Variants in PASD1 observed in about 807,000 individuals in gnomAD.
PASD1 encodes circadian clock protein PASD1.
In PASD1, 13 loss-of-function variants were observed where a neutral mutation model predicts 58.8. The ratio of observed to expected loss-of-function variants is 0.22; its 90% confidence interval spans 0.14 to 0.35. PASD1 has a LOEUF of 0.35. Ranked by LOEUF, PASD1 falls within the 10% of genes least tolerant of loss-of-function variation. The pLI, the probability that PASD1 is intolerant of heterozygous loss-of-function variation, is 1.00. For synonymous variants in PASD1, 236 were observed against 216.7 expected, an observed-to-expected ratio of 1.09 and a Z score of -0.78; for missense variants, 734 against 568.3, an observed-to-expected ratio of 1.29 and a Z score of -2.96.
chrX:151,674,034 A>C lies in PASD1; in HGVS notation c.2023A>C (p.Thr675Pro), dbSNP rs150680505. The C allele has an allele frequency of 1.8e-4, 212 of 1,209,504 alleles. 2 individuals are homozygous for C. The African/African-American group carries it at 3.0e-3, about 17-fold the overall frequency. ...TTCCAGCATTCCTCAGTTTCCCATAACTTCAGACTCAACCATAAGCACCCT... is the reference window on the plus strand; with the variant it reads ...TTCCAGCATTCCTCAGTTTCCCATACCTTCAGACTCAACCATAAGCACCCT... ...SSSSIPQFPITSDSTISTLET... is the reference protein window; with the variant it reads ...SSSSIPQFPIPSDSTISTLET... Residue 675 changes from threonine (T) to proline (P), a missense_variant, in exon 15 of 16, where the codon ACT becomes CCT. Transcript: ENST00000370357.
chrX:151,573,568 A>C (rs994585617), intron 1 of PASD1, among the ~76,000 whole-genome samples: 2 of 112,976 alleles, frequency 1.8e-5, no homozygotes, highest in African/African-American at 3.2e-5. Flanking sequence ...AGGTGCCATA[A>C]GGGTAAAGGC....
rs754804839 is a variant in PASD1 at position 151,671,776 on chromosome X, C to A, written c.1434C>A (p.Asn478Lys). Residue 478 changes from asparagine to lysine, a missense_variant, in exon 13 of 16, where the codon AAC becomes AAA. Physicochemically the swap from Asn to Lys is moderately conservative, Grantham distance 94. Transcript: ENST00000370357. ...TTCAGGAGCCTTGTGTTGCCTTCAA[C>A]CAGGTATGGAAAGGCTGTTTTAACT... ...GELQEPCVAF[N>K]QQQLVQQEQH... 28 of 1,200,423 alleles carry A rather than the reference C, an allele frequency of 2.3e-5. No homozygotes were observed. The highest frequency in any genetic ancestry group is 3.2e-5 in the Non-Finnish European group (28 of 886,334).
intron 4 of PASD1, among the ~76,000 whole-genome samples, chrX:151,617,898 A>G (rs955026487): frequency 8.0e-5 from 9 of 112,133 alleles, no homozygotes; most frequent in Non-Finnish European, 1.7e-4. Flanking sequence ...GTGAGCTTGT[A>G]TATGTGAACA....
At chrX:151,565,474 A>T (rs1056693862) in intron 1 of PASD1, among the ~76,000 whole-genome samples, 1 of 110,903 alleles carries the variant, frequency 9.0e-6, no homozygotes, top group African/African-American at 3.3e-5. Context: ...TCAGCAAAGA[A>T]CAGGCGTGAG....
At position 151,671,622 on chromosome X, in the gene PASD1, C is replaced by T. The variant is rs765766462; in HGVS notation, c.1280C>T (p.Ser427Leu). 6 of 1,210,099 alleles carry T rather than the reference C, an allele frequency of 5.0e-6. No individual in the cohort carries two copies. The East Asian group carries it at 8.9e-5, about 18-fold the overall frequency. ...RHVVIPDLQS[S>L]EAVPKKQQKQ... ...GTTGTCATTCCTGATCTCCAATCTT[C>T]GGAGGCAGTGCCCAAGAAACAACAG... Residue 427 changes from serine to leucine, a missense_variant, in exon 13 of 16, where the codon TCG becomes TTG. Transcript: ENST00000370357.
chrX:151,656,180 T>C (rs1235333745), intron 9 of PASD1, among the ~76,000 whole-genome samples: 3 of 111,661 alleles, frequency 2.7e-5, no homozygotes, highest in Non-Finnish European at 5.6e-5. Context: ...TGTGGTATTA[T>C]TTCTGAGGGC....
intron 1 of PASD1, among the ~76,000 whole-genome samples, chrX:151,595,270 C>T (rs761036255): frequency 2.7e-5 from 3 of 111,616 alleles, no homozygotes; most frequent in South Asian, 3.8e-4. Context: ...GATACCATCC[C>T]ACACTGAGAG....
At chrX:151,575,021 G>A (rs2012983015) in intron 1 of PASD1, among the ~76,000 whole-genome samples, 1 of 111,413 alleles carries the variant, frequency 9.0e-6, no homozygotes, top group Admixed American at 9.6e-5. Context: ...GCAGAAAAAG[G>A]AGAATTTCCT....
Position 151,602,588 on chromosome X carries a change from C to T in PASD1, c.28+1007C>T, listed in dbSNP as rs753867993. ...GCAGGTACCTGTAGTCCCGGCTACT[C>T]GGGAGGCTGAGGCAAGACAATGGCT... On this transcript the variant is annotated intron_variant, in intron 2 of 15. Transcript: ENST00000370357. Among the ~76,000 whole-genome samples, 6 of 110,082 alleles carry T rather than the reference C, an allele frequency of 5.5e-5. No homozygotes were observed. The East Asian group carries it at 1.1e-3, about 21-fold the overall frequency.
chrX:151,672,842 GTGGTGCATGGA>G (rs1297520896), intron 14 of PASD1, 181 bp downstream of exon 14: 1 of 722,084 alleles, frequency 1.4e-6, no homozygotes, highest in Admixed American at 3.9e-5. Context: ...TTCTGCATGT[GTGGTGCATGGA>G]TGAGCATCCA....
At chrX:151,597,822 C>T (rs767303780) in intron 1 of PASD1, among the ~76,000 whole-genome samples, 1 of 111,602 alleles carries the variant, frequency 9.0e-6, no homozygotes, top group East Asian at 2.8e-4. Context: ...TCTCTGCCTC[C>T]CAGGTTCAAG....
At chrX:151,674,519 A>G (rs2014520689) in intron 15 of PASD1, among the ~76,000 whole-genome samples, 1 of 112,805 alleles carries the variant, frequency 8.9e-6, no homozygotes, top group Admixed American at 9.3e-5. Context: ...TTTCAGACTT[A>G]TGGATCTTTA....
At chrX:151,581,986 C>CTTTTTTTT (rs72381794) in intron 1 of PASD1, among the ~76,000 whole-genome samples, 2 of 74,322 alleles carry the variant, frequency 2.7e-5, no homozygotes, top group Non-Finnish European at 2.3e-5. Flanking sequence ...TTTCTTTTTC[C>CTTTTTTTT]TTTTTTTTTT....
intron 8 of PASD1, among the ~76,000 whole-genome samples, chrX:151,625,776 T>C (rs1386837840): frequency 2.7e-5 from 3 of 110,886 alleles, no homozygotes; most frequent in African/African-American, 9.8e-5. Flanking sequence ...AGATCCTATT[T>C]CTACAAAAAA....
At chrX:151,668,443 A>G (rs2014413903) in intron 11 of PASD1, among the ~76,000 whole-genome samples, 1 of 111,127 alleles carries the variant, frequency 9.0e-6, no homozygotes, top group Non-Finnish European at 1.9e-5. Context: ...AAGATCAACA[A>G]AATTGATAGA....
Position 151,621,602 on chromosome X carries a change from T to A in PASD1, c.418+10T>A. 9.0e-7 allele frequency: 1 copy of A among 1,106,393 alleles called. No homozygotes were observed. Among genetic ancestry groups the A allele is most frequent in the South Asian group, 2.0e-5 (1 of 50,416 alleles). The allele number at this position is 1,106,393 out of a possible 1,213,427, so 91.2% of individuals were successfully genotyped here. On this transcript the variant is annotated intron_variant, in intron 6 of 15. Transcript: ENST00000370357. Reference sequence around the variant, plus strand: ...AGAGATATTTGTAATGGTAAGCAGTTCTGTTTATCTTATCTATATGACATT... The same window carrying A: ...AGAGATATTTGTAATGGTAAGCAGTACTGTTTATCTTATCTATATGACATT...
At chrX:151,653,823 CTT>C (rs2014183473) in intron 9 of PASD1, among the ~76,000 whole-genome samples, 1 of 24,125 alleles carries the variant, frequency 4.1e-5, no homozygotes, top group African/African-American at 9.2e-5. Context: ...TCCTTCCTTC[CTT>C]CCTTCCTTCC....
chrX:151,628,918 G>A (rs912896434), intron 8 of PASD1, among the ~76,000 whole-genome samples: 2 of 111,400 alleles, frequency 1.8e-5, no homozygotes, highest in African/African-American at 3.3e-5. Flanking sequence ...TCCCTTGTAA[G>A]TTGGATTCCT....
intron 8 of PASD1, among the ~76,000 whole-genome samples, chrX:151,629,873 A>G (rs2072047244): frequency 2.7e-5 from 3 of 112,065 alleles, no homozygotes. Flanking sequence ...GAGAGTTTAG[A>G]GAACAAAGAT....
Sources: gnomAD v4.1 joint callset for allele counts (sites outside exome capture counted in the v4.1 genomes callset) on GRCh38, gnomAD v4.1.1 for gene constraint, MANE v1.5 for transcripts, NCBI Gene and HGNC (gene_info 2026-07-23, HGNC 2026-07-21) for gene names.